PDPR: variants seen among roughly 807,000 people sequenced by gnomAD.
PDPR encodes the protein pyruvate dehydrogenase phosphatase regulatory subunit.
A neutral mutation model predicts 102.2 loss-of-function variants in PDPR; 50 were observed. The ratio of observed to expected loss-of-function variants is 0.49; its 90% CI spans 0.39 to 0.62. PDPR has a LOEUF of 0.62. PDPR is among the 20% of genes least tolerant of loss of function. The pLI is 0.00. For synonymous variants in PDPR, 259 were observed against 406.0 expected (o/e 0.64, Z 4.35); for missense variants, 625 against 1,098.2 (o/e 0.57, Z 6.09).
At chr16:70,150,879 A>T (rs1006446194) in intron 17 of PDPR, among the ~76,000 whole-genome samples, 1 of 152,250 alleles carries the variant, frequency 6.6e-6, no homozygotes, top group African/African-American at 2.4e-5. Context: ...TTCTGGGCTT[A>T]AGCAGTCATC....
chr16:70,135,490 G>A (rs1277535572), intron 9 of PDPR, among the ~76,000 whole-genome samples: 1 of 152,360 alleles, frequency 6.6e-6, no homozygotes. Context: ...GCCCACCTTG[G>A]CCTCCCAAAG....
chr16:70,143,143 T>G (rs1295122812), intron 13 of PDPR, among the ~76,000 whole-genome samples: 5 of 152,106 alleles, frequency 3.3e-5, no homozygotes, highest in Admixed American at 2.0e-4. Context: ...GAGCTGAGAT[T>G]GCGCCACTGC....
At chr16:70,115,016 G>C (rs537903050) in intron 2 of PDPR, 86 bp downstream of exon 2, 4 of 152,330 alleles carry the variant, frequency 2.6e-5, no homozygotes, top group Non-Finnish European at 1.5e-5. Context: ...CCCATTTTCC[G>C]CATGCATGTA....
At chr16:70,125,575 G>GTATATATATATA (rs60529473) in intron 3 of PDPR, among the ~76,000 whole-genome samples, 1 of 136,102 alleles carries the variant, frequency 7.3e-6, no homozygotes, top group African/African-American at 2.7e-5. Context: ...AAAAAAAAAA[G>GTATATATATATA]TATATATATA....
chr16:70,154,603 AGTC>A (rs1286599205), intron 18 of PDPR, among the ~76,000 whole-genome samples: 4 of 152,270 alleles, frequency 2.6e-5, no homozygotes, highest in Non-Finnish European at 5.9e-5. Context: ...TGTACAAACT[AGTC>A]GTCCTATAGT....
At chr16:70,151,461 C>T (rs1042076529) in intron 17 of PDPR, among the ~76,000 whole-genome samples, 2 of 152,300 alleles carry the variant, frequency 1.3e-5, no homozygotes, top group African/African-American at 4.8e-5. Context: ...TGCTTTTCCA[C>T]ACTCAGAAGT....
At chr16:70,143,329 A>G (rs1255932781) in intron 13 of PDPR, among the ~76,000 whole-genome samples, 181 bp from the exon 14 acceptor site, 1 of 152,286 alleles carries the variant, frequency 6.6e-6, no homozygotes, top group Non-Finnish European at 1.5e-5. Context: ...AGGCCTGTTT[A>G]TCATAAGAAT....
intron 18 of PDPR, among the ~76,000 whole-genome samples, chr16:70,155,634 C>T (rs1475957626): frequency 1.3e-5 from 2 of 152,236 alleles, no homozygotes; most frequent in Non-Finnish European, 2.9e-5. Context: ...AGGAGATCCC[C>T]CCGCCTTAGC....
intron 9 of PDPR, among the ~76,000 whole-genome samples, chr16:70,134,785 CA>C (rs373669213): frequency 1.2e-3 from 166 of 137,136 alleles, no homozygotes; most frequent in Middle Eastern, 7.6e-3. Context: ...GACTCCATCT[CA>C]AAAAAAAAAA....
intron 3 of PDPR, among the ~76,000 whole-genome samples, chr16:70,123,628 A>G (rs978094950): frequency 1.3e-5 from 2 of 152,278 alleles, no homozygotes; most frequent in Non-Finnish European, 2.9e-5. Flanking sequence ...AAAGTGATAA[A>G]CTAATCGCAG....
At chr16:70,127,765 G>A (rs1267898513) in intron 4 of PDPR, among the ~76,000 whole-genome samples, 1 of 152,294 alleles carries the variant, frequency 6.6e-6, no homozygotes, top group Non-Finnish European at 1.5e-5. Flanking sequence ...GTGTAATTAT[G>A]GTTCTATATC....
At chr16:70,146,109 A>T in intron 15 of PDPR, 25 bp from the exon 16 acceptor site, 1 of 1,608,610 alleles carries the variant, frequency 6.2e-7, no homozygotes, top group African/African-American at 1.3e-5. Flanking sequence ...GGAGAGCTGG[A>T]CATCTCTTGT....
chr16:70,155,200 A>G (rs1405897828), intron 18 of PDPR, among the ~76,000 whole-genome samples: 1 of 152,268 alleles, frequency 6.6e-6, no homozygotes, highest in Non-Finnish European at 1.5e-5. Context: ...TCCAAAAAAA[A>G]AAAAGGTAAT....
intron 10 of PDPR, among the ~76,000 whole-genome samples, chr16:70,136,868 G>A (rs1468687601): frequency 2.0e-5 from 3 of 152,168 alleles, no homozygotes; most frequent in Admixed American, 6.6e-5. Flanking sequence ...TCAGCCTCCC[G>A]AGTAGCTGGG....
At chr16:70,121,990 C>T (rs1374483380) in intron 3 of PDPR, among the ~76,000 whole-genome samples, 2 of 151,998 alleles carry the variant, frequency 1.3e-5, no homozygotes, top group Non-Finnish European at 2.9e-5. Context: ...GTTTTCTTTT[C>T]TTTCTTTTTT....
chr16:70,116,559 TAAAA>T (rs1962657760), intron 2 of PDPR, among the ~76,000 whole-genome samples: 2 of 144,852 alleles, frequency 1.4e-5, no homozygotes, highest in African/African-American at 5.1e-5. Context: ...AAAAAAAAAT[TAAAA>T]AAATTAATAA....
chr16:70,145,411 C>T (rs1235341627), intron 15 of PDPR, among the ~76,000 whole-genome samples: 3 of 152,234 alleles, frequency 2.0e-5, no homozygotes, highest in African/African-American at 7.2e-5. Flanking sequence ...GCTGGGATTA[C>T]AGGCATGAGC....
chr16:70,125,086 T>C (rs895431252), intron 3 of PDPR, among the ~76,000 whole-genome samples: 4 of 152,282 alleles, frequency 2.6e-5, no homozygotes, highest in East Asian at 1.9e-4. Context: ...ATTGAAAATA[T>C]GTAAAAGAAG....
chr16:70,125,619 C>G (rs1489532489), intron 3 of PDPR, among the ~76,000 whole-genome samples: 1 of 151,268 alleles, frequency 6.6e-6, no homozygotes, highest in Non-Finnish European at 1.5e-5. Flanking sequence ...AAAAGACTCC[C>G]CAATGTTCTT....
Sources: allele counts gnomAD v4.1 joint callset (sites outside exome capture counted in the v4.1 genomes callset), GRCh38; gene constraint gnomAD v4.1.1; transcripts MANE v1.5; gene names NCBI Gene and HGNC (gene_info 2026-07-23, HGNC 2026-07-21).